The following MIER2 variants were observed in gnomAD, a reference collection of about 807,000 sequenced individuals.
The protein encoded by MIER2 is MIER family member 2.
Under a neutral mutation model 67.6 loss-of-function variants are expected in MIER2, and 30 were observed. The observed-to-expected ratio is 0.44, with a 90% CI of 0.33 to 0.60. The LOEUF is 0.60. Ranked by LOEUF, MIER2 falls within the 20% of genes least tolerant of loss-of-function variation. The probability of loss-of-function intolerance (pLI) is 0.02; values close to 1 mark genes in which losing one functional copy is unlikely to be tolerated. For synonymous variants in MIER2, 372 were observed against 312.6 expected, an observed-to-expected ratio of 1.19 and a Z score of -2.00; for missense variants, 702 against 745.1, an observed-to-expected ratio of 0.94 and a Z score of 0.67.
chr19:327,071 A>C, intron 5 of MIER2, 62 bp downstream of exon 5: 1 of 1,536,420 alleles, frequency 6.5e-7, no homozygotes, highest in Non-Finnish European at 8.7e-7. Context: ...CCCTTCATCA[A>C]GCATCACGAC....
chr19:344,256 C>G (rs1972635926), intron 1 of MIER2: 3 of 985,378 alleles, frequency 3.0e-6, no homozygotes, highest in Non-Finnish European at 3.6e-6. Flanking sequence ...CGCCCGGGGT[C>G]TGACCCAGCC....
At chr19:338,718 C>T (rs1336860188) in intron 1 of MIER2, among the ~76,000 whole-genome samples, 2 of 152,140 alleles carry the variant, frequency 1.3e-5, no homozygotes, top group Admixed American at 6.5e-5. Flanking sequence ...CAAAGATCAA[C>T]GAACTAGAAC....
At chr19:315,493 C>T (rs1180868566) in intron 7 of MIER2, among the ~76,000 whole-genome samples, 1 of 152,148 alleles carries the variant, frequency 6.6e-6, no homozygotes, top group East Asian at 1.9e-4. Flanking sequence ...GACAAAACGC[C>T]GGAGAGTCTC....
At position 334,408 on chromosome 19, in the gene MIER2, T is replaced by G; in HGVS notation, c.235A>C (p.Ile79Leu). 1 of 1,614,104 alleles carries G rather than the reference T, an allele frequency of 6.2e-7. No individual in the cohort carries two copies. The highest frequency in any genetic ancestry group is 1.1e-5 in the South Asian group (1 of 91,072). ...KPKEELEKDFISQSNDMPFDE... is the reference protein window; with the variant it reads ...KPKEELEKDFLSQSNDMPFDE... The stretch of plus-strand genomic sequence containing the variant: ...TCACCTTGGCCAAGTACCTGGGAGA[T>G]GAAGTCCTTCTCCAGCTCCTCCTTG... Residue 79 changes from isoleucine (I) to leucine (L), a missense_variant, in exon 3 of 14, where the codon ATC becomes CTC. By Grantham distance (5) the Ile-to-Leu change is conservative (BLOSUM62 2). Around this residue, in one of 3 missense-constraint regions of MIER2, gnomAD observed 320 missense variants for 292.6 expected, o/e 1.09. Coordinates refer to ENST00000264819, the MANE Select transcript of MIER2 (RefSeq NM_017550.3).
At position 329,866 on chromosome 19, in the gene MIER2, CAAAAAAAAAAA is replaced by C. The variant is rs36067469; in HGVS notation, c.244-1888_244-1878del. Among the ~76,000 whole-genome samples, 361 of 94,794 alleles carry C rather than the reference CAAAAAAAAAAA, an allele frequency of 3.8e-3. 1 individual carries two copies. Among genetic ancestry groups the C allele is most frequent in the African/African-American group, 0.014 (349 of 24,922 alleles). 62.2% of individuals were successfully genotyped at this position (94,794 alleles called of 152,430 possible). The stretch of plus-strand genomic sequence containing the variant: ...AGGTGACGAGAGCAATACTCCGTCT[CAAAAAAAAAAA>C]AAAAAAAAAAGAAGATGCTGGACAA... On this transcript the variant is annotated intron_variant, in intron 3 of 13. Transcript: ENST00000264819.
intron 1 of MIER2, among the ~76,000 whole-genome samples, chr19:342,591 G>C (rs192923741): frequency 8.7e-5 from 13 of 149,892 alleles, no homozygotes; most frequent in Admixed American, 8.1e-4. Flanking sequence ...GTGCTCTTAG[G>C]TTTTTAAAAG....
intron 5 of MIER2, 160 bp downstream of exon 5, chr19:326,973 G>C (rs1427276325): frequency 6.8e-6 from 7 of 1,035,326 alleles, no homozygotes; most frequent in Non-Finnish European, 9.5e-6. Flanking sequence ...GCGTGGAGGA[G>C]AACAAAGCAC....
At position 308,166 on chromosome 19, in the gene MIER2, G is replaced by C. The variant is rs1329995693; in HGVS notation, c.1198+411C>G. On this transcript the variant is annotated intron_variant, in intron 12 of 13. Transcript: ENST00000264819. The surrounding 1 kb of genome is among the most constrained non-coding windows in gnomAD (Gnocchi z 9.1). ...TGGTCCCTACCCGAGGCCCTGCTGT[G>C]CTCCGTCATGGCCTCAGGTGCAAGA... Among the ~76,000 whole-genome samples, 3 of 152,170 alleles carry C rather than the reference G, an allele frequency of 2.0e-5. No homozygotes were observed. The highest frequency in any genetic ancestry group is 7.2e-5 in the African/African-American group (3 of 41,430).
In MIER2 at chr19:337,790, A is replaced by G. The variant is rs544039387; in HGVS notation, c.10-1617T>C. On this transcript the variant is annotated intron_variant, in intron 1 of 13. Coordinates refer to ENST00000264819, the MANE Select transcript of MIER2 (RefSeq NM_017550.3). ...AGGCTGAGGCAGGAGAATTGCTTGAACCAGGGAGGCGGAGGCTGCAGTGAG... is the reference window on the plus strand; with the variant it reads ...AGGCTGAGGCAGGAGAATTGCTTGAGCCAGGGAGGCGGAGGCTGCAGTGAG... 5.7e-3 allele frequency among the ~76,000 whole-genome samples: 832 copies of G among 146,766 alleles called. 11 individuals carry two copies. Among genetic ancestry groups the G allele is most frequent in the African/African-American group, 0.02 (801 of 39,322 alleles).
rs1268724326 is a variant in MIER2, at chr19:306,615, G to C, written c.*75C>G. On this transcript the variant is annotated 3_prime_UTR_variant, in exon 14 of 14. Coordinates refer to ENST00000264819, the MANE Select transcript of MIER2 (RefSeq NM_017550.3). ...GGCCCGGGGGGTGGGGAAGGGGTCA[G>C]GAAGACTGACAGAGGCGGGCCCAGC... 7.8e-6 allele frequency: 12 copies of C among 1,543,358 alleles called. No individual in the cohort carries two copies. The highest frequency in any genetic ancestry group is 1.1e-5 in the Non-Finnish European group (12 of 1,140,326).
chr19:332,204 T>G (rs965312176), intron 3 of MIER2, among the ~76,000 whole-genome samples: 3 of 152,170 alleles, frequency 2.0e-5, no homozygotes, highest in South Asian at 4.1e-4. Flanking sequence ...TTCTTTTTTT[T>G]TCTTGAGATG....
rs1970715810 is a variant in MIER2, at chr19:307,632, G to A, written c.1199-96C>T. The A allele has an allele frequency of 4.7e-6, 6 of 1,275,644 alleles. No individual in the cohort carries two copies. In the South Asian group the frequency reaches 1.0e-4, roughly 21 times the overall value. The allele number at this position is 1,275,644 out of a possible 1,614,324, so 79.0% of individuals were successfully genotyped here. ...CTTTGCTGGGTCCAGCAAAGCCTGTGGATCCCTCCCCAGAAAAGCCTCCAC... is the reference window on the plus strand; with the variant it reads ...CTTTGCTGGGTCCAGCAAAGCCTGTAGATCCCTCCCCAGAAAAGCCTCCAC... On this transcript the variant is annotated intron_variant, in intron 12 of 13. Coordinates refer to ENST00000264819, the MANE Select transcript of MIER2 (RefSeq NM_017550.3).
chr19:343,615 G>T (rs1292762161), intron 1 of MIER2, among the ~76,000 whole-genome samples: 1 of 152,292 alleles, frequency 6.6e-6, no homozygotes, highest in East Asian at 1.9e-4. Flanking sequence ...GTGGCACCAC[G>T]GCCAGGCCGC....
chr19:342,428 T>C (rs1467378822), intron 1 of MIER2, among the ~76,000 whole-genome samples: 4 of 151,402 alleles, frequency 2.6e-5, no homozygotes, highest in Non-Finnish European at 5.9e-5. Flanking sequence ...CCCAAATGGG[T>C]AGAGTGCACC....
At position 344,277 on chromosome 19, in the gene MIER2, G is replaced by C. The variant is rs909262518; in HGVS notation, c.9+497C>G. On this transcript the variant is annotated intron_variant, in intron 1 of 13. Coordinates refer to ENST00000264819, the MANE Select transcript of MIER2 (RefSeq NM_017550.3). ...GGGTCTGACCCAGCCCCGCCGGGGG[G>C]CTCGCGGGCGGCGGAGGCGCGGTGG... 6 of 985,180 alleles carry C rather than the reference G, an allele frequency of 6.1e-6. No individual in the cohort carries two copies. In the Admixed American group the frequency reaches 3.1e-4, roughly 50 times the overall value. The allele number at this position is 985,180 out of a possible 1,614,324, so 61.0% of individuals were successfully genotyped here.
chr19:321,874 T>C (rs12462719), intron 7 of MIER2, among the ~76,000 whole-genome samples: 64,651 of 151,714 alleles, frequency 0.43, 15,113 homozygotes, highest in East Asian at 0.67. Context: ...GGGGAGACAA[T>C]GGACTTTTGT....
intron 10 of MIER2, among the ~76,000 whole-genome samples, chr19:310,971 G>T (rs1046983765): frequency 2.6e-5 from 4 of 152,234 alleles, no homozygotes; most frequent in African/African-American, 9.6e-5. Flanking sequence ...CGTGGTGCTG[G>T]AGTCTGACAA....
Position 323,339 on chromosome 19 carries a change from G to A in MIER2, c.655+2296C>T, listed in dbSNP as rs192078966. Among the ~76,000 whole-genome samples the A allele has an allele frequency of 9.1e-5, 11 of 120,594 alleles. No individual in the cohort carries two copies. The East Asian group carries it at 1.3e-3, about 14-fold the overall frequency. The allele number at this position is 120,594 out of a possible 152,430, so 79.1% of individuals were successfully genotyped here. On this transcript the variant is annotated intron_variant, in intron 7 of 13. Transcript: ENST00000264819. ...ACACATACAACCACGCAGACGACTC[G>A]AATGACACAGACATCATCACAATGC... is the stretch of plus-strand genomic sequence containing the variant.
chr19:344,709 CCACGGCGGCGGGGGGCGCGGACG>C (rs1972667879), intron 1 of MIER2, 42 bp downstream of exon 1: 3 of 1,045,414 alleles, frequency 2.9e-6, no homozygotes, highest in Non-Finnish European at 3.5e-6. Flanking sequence ...CGAGGCCGAG[CCACGGCGGCGGGGGGCGCGGACG>C]CGCGGGGGCG....
Sources: allele counts gnomAD v4.1 joint callset (sites outside exome capture counted in the v4.1 genomes callset), GRCh38; gene constraint gnomAD v4.1.1; regional missense constraint gnomAD v4.1.1; non-coding constraint Gnocchi (gnomAD v3.1); transcripts MANE v1.5; gene names NCBI Gene and HGNC (gene_info 2026-07-23, HGNC 2026-07-21).